The following TLN2 variants were observed in gnomAD, a reference collection of about 807,000 sequenced individuals.
TLN2 encodes talin-2.
A neutral mutation model predicts 294.7 loss-of-function variants in TLN2; 118 were observed. The ratio of observed to expected loss-of-function variants is 0.40; its 90% CI spans 0.34 to 0.47. The LOEUF is 0.47. Among genes scored for constraint, TLN2 ranks in the 20% least tolerant of loss-of-function variants. The probability of loss-of-function intolerance (pLI) is 0.84; values close to 1 mark genes in which losing one functional copy is unlikely to be tolerated. For synonymous variants in TLN2, 1,431 were observed against 1,304.5 expected, an observed-to-expected ratio of 1.10 and a Z score of -2.09; for missense variants, 3,083 against 3,282.2, an observed-to-expected ratio of 0.94 and a Z score of 1.48.
chr15:62,576,995 A>G (rs904136963), intron 1 of TLN2, among the ~76,000 whole-genome samples: 2 of 152,186 alleles, frequency 1.3e-5, no homozygotes, highest in African/African-American at 4.8e-5. Context: ...GTGTGCCACC[A>G]GGAATCAACT....
rs2141277362 is a variant in TLN2, at chr15:62,842,785, T to G, written c.*2175T>G. ...ATCGAAAGTTTATTTTTGTAGGAGCTATATAAATACTCACCTTTCTGGAGT... is the reference window on the plus strand; with the variant it reads ...ATCGAAAGTTTATTTTTGTAGGAGCGATATAAATACTCACCTTTCTGGAGT... On this transcript the variant is annotated 3_prime_UTR_variant, in exon 59 of 59. Coordinates refer to ENST00000636159, the MANE Select transcript of TLN2 (RefSeq NM_015059.3). The G allele has an allele frequency of 6.6e-6, 1 of 152,356 alleles. No individual in the cohort carries two copies. The highest frequency in any genetic ancestry group is 1.9e-4 in the East Asian group (1 of 5,178). The allele number at this position is 152,356 out of a possible 1,614,324, so 9.4% of individuals were successfully genotyped here. A position where few individuals can be genotyped will look rare whatever the true frequency, so the allele number is the denominator to read the frequency against.
chr15:62,640,066 A>C, intron 3 of TLN2: 1 of 434,440 alleles, frequency 2.3e-6, no homozygotes, highest in Non-Finnish European at 4.6e-6. Flanking sequence ...CTGAGCCCAG[A>C]CTGTCCTGCC....
chr15:62,688,208 G>A (rs1190130401), intron 12 of TLN2, among the ~76,000 whole-genome samples: 1 of 152,174 alleles, frequency 6.6e-6, no homozygotes, highest in African/African-American at 2.4e-5. Context: ...GAGAATAACA[G>A]TATTTTGATT....
chr15:62,502,002 T>C (rs1012799339), intron 1 of TLN2, among the ~76,000 whole-genome samples: 7 of 152,308 alleles, frequency 4.6e-5, no homozygotes, highest in South Asian at 4.1e-4. Context: ...GCATGTGATA[T>C]GGCTTTGTGA....
chr15:62,827,160 G>T (rs1415908978), intron 54 of TLN2, among the ~76,000 whole-genome samples: 2 of 152,178 alleles, frequency 1.3e-5, no homozygotes, highest in Non-Finnish European at 2.9e-5. Context: ...TTGGCGGAAG[G>T]AGCTGTGGGG....
At chr15:62,399,384 G>A (rs186131393) in intron 1 of TLN2, among the ~76,000 whole-genome samples, 12 of 152,044 alleles carry the variant, frequency 7.9e-5, no homozygotes, top group East Asian at 3.9e-4. Context: ...ATGTGGGGTC[G>A]GAACCCCCAC....
chr15:62,392,404 C>T (rs1232251176), intron 1 of TLN2, among the ~76,000 whole-genome samples: 2 of 152,182 alleles, frequency 1.3e-5, no homozygotes, highest in Non-Finnish European at 2.9e-5. Context: ...GTAAATTGCC[C>T]TGGTGCTGTA....
At chr15:62,790,244 A>G (rs938830680) in intron 45 of TLN2, among the ~76,000 whole-genome samples, 1 of 152,224 alleles carries the variant, frequency 6.6e-6, no homozygotes, top group African/African-American at 2.4e-5. Context: ...GGTCAAAGAT[A>G]CACATTTTAA....
chr15:62,486,460 T>G lies in TLN2; in HGVS notation c.-238+95775T>G, dbSNP rs1484685620. ...TCAGGAACAGTTCCTTTGTTTTTTT[T>G]TTTTTTTTTTTTTTTGCCATTCACA... On this transcript the variant is annotated intron_variant, in intron 1 of 58. Transcript: ENST00000636159. Among the ~76,000 whole-genome samples, 18 of 150,568 alleles carry G rather than the reference T, an allele frequency of 1.2e-4. 1 individual carries two copies. The highest frequency in any genetic ancestry group is 8.4e-4 in the South Asian group (4 of 4,756).
chr15:62,563,960 T>C (rs933596251), intron 1 of TLN2, among the ~76,000 whole-genome samples: 3 of 152,180 alleles, frequency 2.0e-5, no homozygotes, highest in Non-Finnish European at 2.9e-5. Context: ...CTTACTCCTT[T>C]TGGTATTGCC....
chr15:62,471,271 C>T (rs111983119), intron 1 of TLN2, among the ~76,000 whole-genome samples: 9 of 152,096 alleles, frequency 5.9e-5, no homozygotes, highest in African/African-American at 7.2e-5. Flanking sequence ...CCCAGGAGGT[C>T]GAGGTCGAGG....
chr15:62,702,033 A>G lies in TLN2; in HGVS notation c.1738A>G (p.Ile580Val). ...DTDYTAVGCA[I>V]TTISSNLTEM... ...TGACTACACAGCTGTGGGATGTGCG[A>G]TCACCACTATTTCTTCCAACCTGAC... Residue 580 changes from isoleucine (I) to valine (V), a missense_variant, in exon 18 of 59, where the codon ATC becomes GTC. Physicochemically the swap from Ile to Val is conservative, Grantham distance 29. Coordinates refer to ENST00000636159, the MANE Select transcript of TLN2 (RefSeq NM_015059.3). 2.5e-6 allele frequency: 4 copies of G among 1,614,198 alleles called. No homozygotes were observed. Among genetic ancestry groups the G allele is most frequent in the Non-Finnish European group, 3.4e-6 (4 of 1,180,036 alleles).
In TLN2 at chr15:62,840,562, G is replaced by A; in HGVS notation, c.7581G>A (p.Gln2527=). The change falls in exon 59 of 59, where the codon CAG becomes CAA. Residue 2527 remains glutamine (Q), a synonymous_variant. Coordinates refer to ENST00000636159, the MANE Select transcript of TLN2 (RefSeq NM_015059.3). ...GGAAAAAACTGGCCCAAATCCGCCA[G>A]CAGCAGTATAAGTTTTTACCCACCG... ...EARKKLAQIR[Q]QQYKFLPTEL... The A allele has an allele frequency of 6.2e-7, 1 of 1,614,226 alleles. No homozygotes were observed.
At chr15:62,536,768 A>G (rs191759089) in intron 1 of TLN2, among the ~76,000 whole-genome samples, 2 of 152,332 alleles carry the variant, frequency 1.3e-5, no homozygotes, top group Admixed American at 1.3e-4. Context: ...GGTAATTTTT[A>G]AAGAACTGTT....
chr15:62,606,982 C>A (rs957672181), intron 2 of TLN2, among the ~76,000 whole-genome samples: 5 of 152,110 alleles, frequency 3.3e-5, no homozygotes, highest in Admixed American at 6.5e-5. Flanking sequence ...CATCATCATC[C>A]TCCTCCTCAC....
intron 1 of TLN2, among the ~76,000 whole-genome samples, chr15:62,471,390 T>C (rs1164324345): frequency 2.0e-5 from 3 of 152,198 alleles, no homozygotes; most frequent in African/African-American, 7.2e-5. Flanking sequence ...CAGTGCTGTT[T>C]GTAAGAAGCT....
At chr15:62,413,496 G>A (rs1375590281) in intron 1 of TLN2, among the ~76,000 whole-genome samples, 1 of 152,196 alleles carries the variant, frequency 6.6e-6, no homozygotes, top group African/African-American at 2.4e-5. Flanking sequence ...TATTGTTGGG[G>A]ATGCTATACC....
chr15:62,707,294 C>G, intron 20 of TLN2, 41 bp downstream of exon 20: 15 of 1,537,488 alleles, frequency 9.8e-6, no homozygotes, highest in Non-Finnish European at 1.3e-5. Context: ...CCCAGTATCA[C>G]CTGCTGTTAC....
intron 28 of TLN2, among the ~76,000 whole-genome samples, chr15:62,727,522 A>G (rs2060504030): frequency 1.3e-5 from 2 of 152,368 alleles, no homozygotes; most frequent in South Asian, 2.1e-4. Flanking sequence ...ATGACAACAA[A>G]TAAGATGTCA....
Sources: allele counts gnomAD v4.1 joint callset (sites outside exome capture counted in the v4.1 genomes callset), GRCh38; gene constraint gnomAD v4.1.1; transcripts MANE v1.5; gene names NCBI Gene and HGNC (gene_info 2026-07-23, HGNC 2026-07-21).